SORCS3: variants seen among roughly 807,000 people sequenced by gnomAD.
SORCS3 encodes sortilin related VPS10 domain containing receptor 3.
Under a neutral mutation model 146.3 loss-of-function variants are expected in SORCS3, and 57 were observed. The ratio of observed to expected loss-of-function variants is 0.39; its 90% confidence interval spans 0.31 to 0.49. The LOEUF is 0.49. Ranked by LOEUF, SORCS3 falls within the 20% of genes least tolerant of loss-of-function variation. The probability of loss-of-function intolerance (pLI) is 0.92; values close to 1 mark genes in which losing one functional copy is unlikely to be tolerated. For missense variants in SORCS3, 1,341 were observed against 1,575.5 expected (o/e 0.85, Z 2.52); for synonymous variants, 653 against 618.5 (o/e 1.06, Z -0.83).
chr10:104,870,031 A>C (rs1354812009), intron 2 of SORCS3, among the ~76,000 whole-genome samples: 1 of 152,226 alleles, frequency 6.6e-6, no homozygotes, highest in Non-Finnish European at 1.5e-5. Flanking sequence ...TTGTTGGAAT[A>C]ATGCATGGCA....
chr10:104,945,753 C>T (rs1442381406), intron 3 of SORCS3, among the ~76,000 whole-genome samples: 1 of 150,984 alleles, frequency 6.6e-6, no homozygotes, highest in African/African-American at 2.4e-5. Flanking sequence ...CACTTTTTCA[C>T]AAAATTAAGC....
intron 4 of SORCS3, among the ~76,000 whole-genome samples, chr10:105,034,362 A>G (rs2055291603): frequency 6.6e-6 from 1 of 152,170 alleles, no homozygotes; most frequent in South Asian, 2.1e-4. Context: ...AGTTCATGGC[A>G]TGTTTGAGAA....
At chr10:104,826,532 A>G (rs948841750) in intron 1 of SORCS3, among the ~76,000 whole-genome samples, 4 of 152,234 alleles carry the variant, frequency 2.6e-5, no homozygotes, top group Non-Finnish European at 5.9e-5. Context: ...GTTAAGTAGC[A>G]TCATGTCTAA....
chr10:104,728,226 A>G (rs2016665203), intron 1 of SORCS3, among the ~76,000 whole-genome samples: 1 of 152,080 alleles, frequency 6.6e-6, no homozygotes, highest in African/African-American at 2.4e-5. Context: ...TCCTTAAGAT[A>G]AATGCTTAGA....
chr10:104,946,423 C>T (rs191949437), intron 3 of SORCS3, among the ~76,000 whole-genome samples: 90 of 152,218 alleles, frequency 5.9e-4, no homozygotes, highest in Non-Finnish European at 1.1e-3. Context: ...TCTCTGCATG[C>T]TGTGTGTGGG....
At chr10:104,685,504 G>T (rs2016033784) in intron 1 of SORCS3, among the ~76,000 whole-genome samples, 1 of 152,206 alleles carries the variant, frequency 6.6e-6, no homozygotes, top group Non-Finnish European at 1.5e-5. Flanking sequence ...TGCATGAGGT[G>T]CTCTAGCATA....
chr10:104,773,904 C>T (rs755375957), intron 1 of SORCS3, among the ~76,000 whole-genome samples: 3 of 152,208 alleles, frequency 2.0e-5, no homozygotes, highest in Non-Finnish European at 4.4e-5. Context: ...GCAGTGTCAG[C>T]ATCACCTGGG....
At chr10:104,873,644 T>C (rs191083633) in intron 2 of SORCS3, among the ~76,000 whole-genome samples, 1 of 152,244 alleles carries the variant, frequency 6.6e-6, no homozygotes, top group Non-Finnish European at 1.5e-5. Context: ...ATTTTTATTA[T>C]AATTGTGGCA....
chr10:104,821,055 T>C (rs2017867214), intron 1 of SORCS3, among the ~76,000 whole-genome samples: 1 of 152,184 alleles, frequency 6.6e-6, no homozygotes. Flanking sequence ...GCTCAAATGA[T>C]GATGTCGTCA....
intron 1 of SORCS3, among the ~76,000 whole-genome samples, chr10:104,825,364 C>T (rs2017923551): frequency 6.6e-6 from 1 of 152,042 alleles, no homozygotes; most frequent in Non-Finnish European, 1.5e-5. Context: ...CCTAAGGTCA[C>T]ACAAAATAAG....
At chr10:104,938,920 C>A (rs1036624178) in intron 3 of SORCS3, among the ~76,000 whole-genome samples, 1 of 152,170 alleles carries the variant, frequency 6.6e-6, no homozygotes, top group African/African-American at 2.4e-5. Flanking sequence ...CTGGACGAGG[C>A]CTGTGGAGGG....
chr10:104,884,701 C>T lies in SORCS3; in HGVS notation c.696-31132C>T, dbSNP rs144751259. On this transcript the variant is annotated intron_variant, in intron 2 of 26. Transcript: ENST00000369701. ...GGTAATTTGGGTACAAAATTCAACA[C>T]ACTTAACAGAACATTTGGGTTCAAG... Among the ~76,000 whole-genome samples, 11 of 151,960 alleles carry T rather than the reference C, an allele frequency of 7.2e-5. No individual in the cohort carries two copies. The East Asian group carries it at 2.1e-3, about 29-fold the overall frequency.
rs759528902 is a variant in SORCS3 at position 105,200,060 on chromosome 10, A to G, written c.2071A>G (p.Ile691Val). The G allele has an allele frequency of 1.9e-6, 3 of 1,613,724 alleles. No homozygotes were observed. The highest frequency in any genetic ancestry group is 2.2e-5 in the East Asian group (1 of 44,860). Residue 691 changes from isoleucine to valine, a missense_variant, in exon 15 of 27, where the codon ATC (isoleucine) becomes GTC (valine). Coordinates refer to ENST00000369701, the MANE Select transcript of SORCS3 (RefSeq NM_014978.3). ...ATTGGTGAAAGTGGACTACAAATCT[A>G]TCTTCAGCCGGCATTGCACCAAGGA... ...WQLVKVDYKS[I>V]FSRHCTKEDY...
intron 5 of SORCS3, among the ~76,000 whole-genome samples, chr10:105,071,173 G>T (rs1309731899): frequency 6.6e-6 from 1 of 151,592 alleles, no homozygotes; most frequent in East Asian, 1.9e-4. Flanking sequence ...ATTCCTCTCT[G>T]TGCCTCCCCA....
chr10:104,913,240 G>T (rs1443445896), intron 2 of SORCS3, among the ~76,000 whole-genome samples: 1 of 152,136 alleles, frequency 6.6e-6, no homozygotes, highest in African/African-American at 2.4e-5. Flanking sequence ...ATGGGGGAGG[G>T]AGAAGACTGG....
intron 3 of SORCS3, among the ~76,000 whole-genome samples, chr10:104,922,457 G>A (rs1054487035): frequency 1.3e-5 from 2 of 152,154 alleles, no homozygotes; most frequent in African/African-American, 4.8e-5. Context: ...CTCAAATTCG[G>A]ATGCATGCAG....
intron 14 of SORCS3, among the ~76,000 whole-genome samples, chr10:105,196,810 G>A (rs185903542): frequency 2.6e-5 from 4 of 152,256 alleles, no homozygotes; most frequent in East Asian, 1.9e-4. Context: ...ATTGCCACCT[G>A]TATTAGTTTC....
chr10:104,692,696 A>G (rs1452227201), intron 1 of SORCS3, among the ~76,000 whole-genome samples: 2 of 152,262 alleles, frequency 1.3e-5, no homozygotes, highest in Non-Finnish European at 2.9e-5. Flanking sequence ...TTTGTTGACC[A>G]TTGAGTAAAT....
At chr10:104,889,064 G>GT (rs1457099285) in intron 2 of SORCS3, among the ~76,000 whole-genome samples, 1 of 151,944 alleles carries the variant, frequency 6.6e-6, no homozygotes, top group Non-Finnish European at 1.5e-5. Context: ...TGTGGTAGTT[G>GT]TTTTTTTGGC....
Sources: allele counts gnomAD v4.1 joint callset (sites outside exome capture counted in the v4.1 genomes callset), GRCh38; gene constraint gnomAD v4.1.1; transcripts MANE v1.5; gene names NCBI Gene and HGNC (gene_info 2026-07-23, HGNC 2026-07-21).